The following ABL1 variants were observed in gnomAD, a reference collection of about 807,000 sequenced individuals.
The protein encoded by ABL1 is tyrosine-protein kinase ABL1.
ABL1 carries 11 observed loss-of-function variants against 94.7 expected under a neutral mutation model. The observed-to-expected ratio is 0.12, with a 90% CI of 0.07 to 0.19. ABL1 has a LOEUF of 0.19. ABL1 is among the 10% of genes least tolerant of loss of function. The pLI is 1.00. For missense variants in ABL1, 1,082 were observed against 1,489.4 expected, an observed-to-expected ratio of 0.73 and a Z score of 4.50; for synonymous variants, 656 against 622.4, an observed-to-expected ratio of 1.05 and a Z score of -0.80.
chr9:130,765,248 G>T (rs1376039201), intron 1 of ABL1, among the ~76,000 whole-genome samples: 2 of 152,062 alleles, frequency 1.3e-5, no homozygotes, highest in African/African-American at 4.8e-5. Flanking sequence ...GCTTCTCAAG[G>T]GGTTTTTTCA....
chr9:130,719,727 G>C (rs2583838), intron 1 of ABL1, among the ~76,000 whole-genome samples: 29,443 of 152,116 alleles, frequency 0.19, 3,521 homozygotes, highest in Middle Eastern at 0.38. Flanking sequence ...TCTTTCATAG[G>C]CTGATCTTTC....
intron 1 of ABL1, among the ~76,000 whole-genome samples, chr9:130,850,642 G>A (rs1830842109): frequency 6.6e-6 from 1 of 152,116 alleles, no homozygotes; most frequent in Non-Finnish European, 1.5e-5. Context: ...GAGTAGTTGG[G>A]GCTACAGGTG....
chr9:130,723,358 C>A (rs1193511865), intron 1 of ABL1, among the ~76,000 whole-genome samples: 1 of 152,026 alleles, frequency 6.6e-6, no homozygotes, highest in Non-Finnish European at 1.5e-5. Context: ...GTGGCCTGGA[C>A]AACATAGCAA....
chr9:130,728,195 C>G (rs1469928387), intron 1 of ABL1, among the ~76,000 whole-genome samples: 1 of 149,036 alleles, frequency 6.7e-6, no homozygotes, highest in Non-Finnish European at 1.5e-5. Flanking sequence ...TCCTGAGTAG[C>G]TGGGACTATG....
intron 1 of ABL1, among the ~76,000 whole-genome samples, chr9:130,717,687 G>A (rs1479419511): frequency 4.0e-5 from 6 of 151,090 alleles, no homozygotes; most frequent in Non-Finnish European, 1.5e-5. Context: ...CAGTTCATTG[G>A]TAGAGTTTCT....
chr9:130,835,738 C>A lies in ABL1; in HGVS notation c.79+213C>A, dbSNP rs950366047. Among the ~76,000 whole-genome samples the A allele has an allele frequency of 1.5e-5, 2 of 135,770 alleles. No homozygotes were observed. The highest frequency in any genetic ancestry group is 4.8e-4 in the East Asian group (2 of 4,196). 89.1% of individuals were successfully genotyped at this position (135,770 alleles called of 152,430 possible). On this transcript the variant is annotated intron_variant, in intron 1 of 10. Transcript: ENST00000318560. The surrounding 1 kb of genome is among the most constrained non-coding windows in gnomAD (Gnocchi z 4.6). ...TCTGTGTCTGTCTCTTTTCTCTTCT[C>A]TTGTCTCTCTCTTTTTCTCTCTCTC...
intron 1 of ABL1, among the ~76,000 whole-genome samples, chr9:130,764,319 A>G (rs1294221506): frequency 6.6e-6 from 1 of 152,200 alleles, no homozygotes; most frequent in Non-Finnish European, 1.5e-5. Flanking sequence ...TGTAGGAGGC[A>G]TCTGTCCAGA....
At chr9:130,717,301 C>T (rs979474166) in intron 1 of ABL1, among the ~76,000 whole-genome samples, 2 of 152,114 alleles carry the variant, frequency 1.3e-5, no homozygotes, top group Non-Finnish European at 2.9e-5. Flanking sequence ...CCTCAGCCTC[C>T]CAAAATGCTG....
chr9:130,884,550 G>A lies in ABL1; in HGVS notation c.2260G>A (p.Gly754Arg). ...ACAGTTTGACTCGTCCACATTTGGA[G>A]GGCACAAAAGTGAGAAGCCGGCTCT... ...GRQFDSSTFG[G>R]HKSEKPALPR... Residue 754 changes from glycine to arginine, a missense_variant, in exon 11 of 11, where the codon GGG becomes AGG. This residue lies in a region of ABL1 where 780 missense variants were observed against 835.8 expected (regional missense o/e 0.93). Transcript: ENST00000318560. The surrounding 1 kb of genome is among the most constrained non-coding windows in gnomAD (Gnocchi z 5.6). 1 of 1,613,244 alleles carries A rather than the reference G, an allele frequency of 6.2e-7. No individual in the cohort carries two copies. The highest frequency in any genetic ancestry group is 8.5e-7 in the Non-Finnish European group (1 of 1,180,038).
intron 1 of ABL1, among the ~76,000 whole-genome samples, chr9:130,722,347 C>A (rs191942415): frequency 5.3e-5 from 8 of 152,050 alleles, no homozygotes; most frequent in African/African-American, 1.7e-4. Flanking sequence ...GAGCCAAGAT[C>A]ACACCACTGC....
intron 1 of ABL1, among the ~76,000 whole-genome samples, chr9:130,818,984 T>C (rs1830324424): frequency 1.3e-5 from 2 of 152,216 alleles, no homozygotes. Flanking sequence ...TTTCTGGCCT[T>C]TGCAGTTCTT....
intron 1 of ABL1, among the ~76,000 whole-genome samples, chr9:130,815,868 A>G (rs1830278746): frequency 6.6e-6 from 1 of 152,104 alleles, no homozygotes; most frequent in African/African-American, 2.4e-5. Flanking sequence ...CTAAAAATAC[A>G]AAAATTAGCT....
chr9:130,802,893 C>T (rs1180627355), intron 1 of ABL1, among the ~76,000 whole-genome samples: 1 of 152,128 alleles, frequency 6.6e-6, no homozygotes, highest in Non-Finnish European at 1.5e-5. Context: ...ATGTGTTTCT[C>T]TCTGAGATCT....
chr9:130,848,087 A>G (rs1269989788), intron 1 of ABL1, among the ~76,000 whole-genome samples: 4 of 152,154 alleles, frequency 2.6e-5, no homozygotes, highest in Non-Finnish European at 4.4e-5. Flanking sequence ...TGGTCTGCCA[A>G]AGTTGTATGC....
chr9:130,845,872 A>T (rs62913461), intron 1 of ABL1, among the ~76,000 whole-genome samples: 1 of 151,578 alleles, frequency 6.6e-6, no homozygotes, highest in Non-Finnish European at 1.5e-5. Context: ...AAAAAAAAAA[A>T]TTCATCCACA....
intron 1 of ABL1, among the ~76,000 whole-genome samples, chr9:130,829,811 CACTA>C (rs1381212167): frequency 1.6e-4 from 24 of 152,142 alleles, no homozygotes; most frequent in Non-Finnish European, 3.2e-4. Flanking sequence ...ATAATGTAAA[CACTA>C]ACTATTGATT....
chr9:130,746,835 G>C (rs567243667), intron 1 of ABL1, among the ~76,000 whole-genome samples: 1 of 152,188 alleles, frequency 6.6e-6, no homozygotes, highest in Admixed American at 6.5e-5. Context: ...ACAAAACTGG[G>C]TGGCTTAAAA....
chr9:130,830,571 A>G (rs1830482726), upstream of ABL1, among the ~76,000 whole-genome samples: 1 of 152,186 alleles, frequency 6.6e-6, no homozygotes, highest in African/African-American at 2.4e-5. Flanking sequence ...GAAAACCTCC[A>G]GACTGCTTTC....
At chr9:130,815,404 G>T (rs1830271449) in intron 1 of ABL1, among the ~76,000 whole-genome samples, 1 of 152,090 alleles carries the variant, frequency 6.6e-6, no homozygotes, top group Admixed American at 6.6e-5. Flanking sequence ...TTCTTCCTTT[G>T]TTCAGTTAAA....
Sources: allele counts gnomAD v4.1 joint callset (sites outside exome capture counted in the v4.1 genomes callset), GRCh38; gene constraint gnomAD v4.1.1; regional missense constraint gnomAD v4.1.1; non-coding constraint Gnocchi (gnomAD v3.1); transcripts MANE v1.5; gene names NCBI Gene and HGNC (gene_info 2026-07-23, HGNC 2026-07-21).